Variants in NTMT1 observed in about 807,000 individuals in gnomAD.
NTMT1 encodes the protein N-terminal RCC1 methyltransferase.
NTMT1 carries 8 observed loss-of-function variants against 17.5 expected under a neutral mutation model. The observed-to-expected ratio is 0.46, with a 90% CI of 0.27 to 0.82. The LOEUF is 0.82. Ranked by LOEUF, NTMT1 falls within the 40% of genes least tolerant of loss-of-function variation. The pLI is 0.15. For synonymous variants in NTMT1, 128 were observed against 126.8 expected, an observed-to-expected ratio of 1.01 and a Z score of -0.06; for missense variants, 221 against 303.5, an observed-to-expected ratio of 0.73 and a Z score of 2.02.
chr9:129,621,067 C>G (rs1422174623), intron 1 of NTMT1, among the ~76,000 whole-genome samples: 1 of 152,254 alleles, frequency 6.6e-6, no homozygotes, highest in African/African-American at 2.4e-5. Flanking sequence ...TCTCTGCAGC[C>G]GTGAAACGGC....
rs780442226 is a variant in NTMT1, at chr9:129,634,058, G to A, written c.167G>A (p.Gly56Asp). The A allele has an allele frequency of 1.5e-5, 25 of 1,613,464 alleles. No individual in the cohort carries two copies. Among genetic ancestry groups the A allele is most frequent in the Non-Finnish European group, 2.1e-5 (25 of 1,179,662 alleles). The change falls in exon 3 of 4, where the codon GGC (glycine) becomes GAC (aspartate). Residue 56 changes from glycine (G) to aspartate (D), a missense_variant. Transcript: ENST00000372483. ...RKFLQRFLRE[G>D]PNKTGTSCAL... is the part of the protein sequence containing the mutation. Reference sequence around the variant, plus strand: ...TTATATGCCTCTGCTTTTCAGGAAGGCCCGAACAAGACAGGAACGTCCTGT... The same window carrying A: ...TTATATGCCTCTGCTTTTCAGGAAGACCCGAACAAGACAGGAACGTCCTGT...
At chr9:129,621,097 T>C (rs1830687304) in intron 1 of NTMT1, among the ~76,000 whole-genome samples, 1 of 152,222 alleles carries the variant, frequency 6.6e-6, no homozygotes, top group Non-Finnish European at 1.5e-5. Flanking sequence ...TCACCGCTGG[T>C]AGAGAGAGCA....
Position 129,632,796 on chromosome 9 carries a change from T to C in NTMT1, c.93T>C (p.Leu31=). The C allele has an allele frequency of 6.2e-7, 1 of 1,613,938 alleles. No homozygotes were observed. Among genetic ancestry groups the C allele is most frequent in the South Asian group, 1.1e-5 (1 of 91,062 alleles). ...KQIPPTVDGM[L]GGYGHISSID... ...TCCCACCCACGGTGGACGGCATGCT[T>C]GGGGGGTATGGCCACATCTCCAGCA... The change falls in exon 2 of 4, where the codon CTT becomes CTC. Residue 31 remains leucine (L), a synonymous_variant. Coordinates refer to ENST00000372483, the MANE Select transcript of NTMT1 (RefSeq NM_014064.4).
Position 129,634,062 on chromosome 9 carries a change from G to A in NTMT1, c.171G>A (p.Pro57=), listed in dbSNP as rs1242838791. The A allele has an allele frequency of 2.9e-5, 46 of 1,613,584 alleles. No individual in the cohort carries two copies. Among genetic ancestry groups the A allele is most frequent in the Middle Eastern group, 1.6e-4 (1 of 6,082 alleles). Residue 57 remains proline (P), a synonymous_variant, in exon 3 of 4, where the codon CCG becomes CCA. Coordinates refer to ENST00000372483, the MANE Select transcript of NTMT1 (RefSeq NM_014064.4). The part of the protein sequence containing the change: ...KFLQRFLREG[P]NKTGTSCALD... Reference sequence around the variant, plus strand: ...ATGCCTCTGCTTTTCAGGAAGGCCCGAACAAGACAGGAACGTCCTGTGCCC... The same window carrying A: ...ATGCCTCTGCTTTTCAGGAAGGCCCAAACAAGACAGGAACGTCCTGTGCCC...
At chr9:129,626,413 C>A (rs1415133347) in intron 1 of NTMT1, 118 bp downstream of exon 1, 1 of 152,280 alleles carries the variant, frequency 6.6e-6, no homozygotes, top group African/African-American at 2.4e-5. Context: ...TGACCCGGCG[C>A]GTGCGCGCGG....
At chr9:129,623,412 T>C (rs1830799255), upstream of NTMT1, among the ~76,000 whole-genome samples, 1 of 152,054 alleles carries the variant, frequency 6.6e-6, no homozygotes, top group Non-Finnish European at 1.5e-5. Context: ...TGGTCTGCTG[T>C]TTTGCTGTGT....
At position 129,635,537 on chromosome 9, in the gene NTMT1, C is replaced by A. The variant is rs78602607; in HGVS notation, c.*73C>A. 2 of 1,525,550 alleles carry A rather than the reference C, an allele frequency of 1.3e-6. No homozygotes were observed. The highest frequency in any genetic ancestry group is 1.2e-5 in the South Asian group (1 of 81,208). The allele number at this position is 1,525,550 out of a possible 1,614,324, so 94.5% of individuals were successfully genotyped here. ...AGCTGGCAGCTGGGCAAGATCCAGG[C>A]GCCACGCTGGCGGTTCGTGAGTGTC... On this transcript the variant is annotated 3_prime_UTR_variant, in exon 4 of 4. Transcript: ENST00000372483.
chr9:129,622,703 T>C (rs1830769286), upstream of NTMT1, among the ~76,000 whole-genome samples: 1 of 151,966 alleles, frequency 6.6e-6, no homozygotes, highest in South Asian at 2.1e-4. Context: ...CTCTAATCCG[T>C]TACACAGATC....
At chr9:129,621,370 T>C (rs1012950506), upstream of NTMT1, among the ~76,000 whole-genome samples, 7 of 152,180 alleles carry the variant, frequency 4.6e-5, no homozygotes, top group East Asian at 3.9e-4. Flanking sequence ...AGAGATGGGG[T>C]CTTGCTAAGA....
At chr9:129,609,836 C>T (rs1564329665) in intron 1 of NTMT1, among the ~76,000 whole-genome samples, 1 of 151,916 alleles carries the variant, frequency 6.6e-6, no homozygotes, top group Non-Finnish European at 1.5e-5. Flanking sequence ...CAGATGACCC[C>T]GAATGTGGGG....
chr9:129,622,437 G>A (rs4836663), upstream of NTMT1, among the ~76,000 whole-genome samples: 147,693 of 151,796 alleles, frequency 0.97, 71,875 homozygotes, highest in Middle Eastern at 0.99. Context: ...AGGTTGCAGT[G>A]AGCTGAGATC....
chr9:129,631,920 G>T (rs13440406), intron 1 of NTMT1, among the ~76,000 whole-genome samples: 31,088 of 152,080 alleles, frequency 0.2, 3,806 homozygotes, highest in African/African-American at 0.35. Context: ...TGCCTGGCTG[G>T]CTGCCTGGTT....
chr9:129,623,636 A>C (rs1830805243), upstream of NTMT1, among the ~76,000 whole-genome samples: 1 of 152,198 alleles, frequency 6.6e-6, no homozygotes. Context: ...TCACTAGAGA[A>C]CGCGTCGCCA....
intron 1 of NTMT1, among the ~76,000 whole-genome samples, chr9:129,610,841 G>A (rs1490144157): frequency 6.6e-6 from 1 of 152,156 alleles, no homozygotes; most frequent in African/African-American, 2.4e-5. Flanking sequence ...CGTAGAATCA[G>A]GCCTGCTGAG....
At chr9:129,632,949 A>G (rs1564348538) in intron 2 of NTMT1, 84 bp downstream of exon 2, 2 of 1,462,508 alleles carry the variant, frequency 1.4e-6, no homozygotes, top group Non-Finnish European at 9.4e-7. Flanking sequence ...CCTTTTACAC[A>G]TGTAACACTG....
At chr9:129,621,041 A>G (rs1041975403) in intron 1 of NTMT1, among the ~76,000 whole-genome samples, 1 of 151,780 alleles carries the variant, frequency 6.6e-6, no homozygotes, top group Non-Finnish European at 1.5e-5. Context: ...GAATGGGGAT[A>G]ATAGCAGCAC....
At chr9:129,612,886 C>T (rs572148556) in intron 1 of NTMT1, among the ~76,000 whole-genome samples, 3 of 152,098 alleles carry the variant, frequency 2.0e-5, no homozygotes, top group Non-Finnish European at 4.4e-5. Flanking sequence ...GAACTGTGAT[C>T]GGAACCCAGG....
intron 1 of NTMT1, among the ~76,000 whole-genome samples, chr9:129,610,128 G>A (rs890037444): frequency 6.7e-6 from 1 of 148,676 alleles, no homozygotes; most frequent in Non-Finnish European, 1.5e-5. Flanking sequence ...AGTGGACAGC[G>A]CAGGGAGCGG....
In NTMT1 at chr9:129,620,064, C is replaced by T. The variant is rs945754052; in HGVS notation, c.-55+10886C>T. Reference sequence around the variant, plus strand: ...CCGCCCCCCGGGCCCCGCGGGGCCTCACTCAGTGGCTCCGGCTCCTCGGCG... The same window carrying T: ...CCGCCCCCCGGGCCCCGCGGGGCCTTACTCAGTGGCTCCGGCTCCTCGGCG... On this transcript the variant is annotated intron_variant, in intron 1 of 3. Transcript: ENST00000372486. The surrounding 1 kb of genome is among the most constrained non-coding windows in gnomAD (Gnocchi z 5.8). 8.9e-6 allele frequency: 13 copies of T among 1,453,558 alleles called. No homozygotes were observed. The highest frequency in any genetic ancestry group is 1.2e-5 in the Non-Finnish European group (13 of 1,101,144). 90.0% of individuals were successfully genotyped at this position (1,453,558 alleles called of 1,614,324 possible).
Sources: allele counts gnomAD v4.1 joint callset (sites outside exome capture counted in the v4.1 genomes callset), GRCh38; gene constraint gnomAD v4.1.1; non-coding constraint Gnocchi (gnomAD v3.1); transcripts MANE v1.5; gene names NCBI Gene and HGNC (gene_info 2026-07-23, HGNC 2026-07-21).